The following CCDC102B variants were observed in gnomAD, a reference collection of about 807,000 sequenced individuals.
CCDC102B encodes coiled-coil domain containing 102B.
A neutral mutation model predicts 57.4 loss-of-function variants in CCDC102B; 75 were observed. The ratio of observed to expected loss-of-function variants is 1.31; its 90% CI spans 1.08 to 1.58. The LOEUF is 1.58. CCDC102B is among the 40% of genes most tolerant of loss of function. The probability of loss-of-function intolerance (pLI) is 0.00; values close to 1 mark genes in which losing one functional copy is unlikely to be tolerated. For missense variants in CCDC102B, 636 were observed against 582.6 expected (o/e 1.09, Z -0.94); for synonymous variants, 206 against 201.9 (o/e 1.02, Z -0.17).
intron 1 of CCDC102B, among the ~76,000 whole-genome samples, chr18:68,833,659 A>T (rs2037240914): frequency 6.6e-6 from 1 of 152,180 alleles, no homozygotes; most frequent in East Asian, 1.9e-4. Flanking sequence ...TTGGTCCAAG[A>T]TCATCGTCTA....
Position 68,966,078 on chromosome 18 carries a change from G to C in CCDC102B, c.1264-44856G>C, listed in dbSNP as rs1345307756. Among the ~76,000 whole-genome samples the C allele has an allele frequency of 2.6e-5, 4 of 152,250 alleles. No homozygotes were observed. In the South Asian group the frequency reaches 8.3e-4, roughly 32 times the overall value. On this transcript the variant is annotated intron_variant, in intron 6 of 7. Coordinates refer to ENST00000360242, the MANE Select transcript of CCDC102B (RefSeq NM_024781.3). ...TCACCATGTGGTCTCCACGAACACTGTGGTGTGGTTTTATACTGTTTGATA... is the reference window on the plus strand; with the variant it reads ...TCACCATGTGGTCTCCACGAACACTCTGGTGTGGTTTTATACTGTTTGATA...
At position 68,919,309 on chromosome 18, in the gene CCDC102B, G is replaced by T. The variant is rs190473977; in HGVS notation, c.1263+21881G>T. ...CTCAGAAGGGAAACAGTAGAAATGG[G>T]ATTTTGTTATATTGACCACATTTGT... is the stretch of plus-strand genomic sequence containing the variant. On this transcript the variant is annotated intron_variant, in intron 6 of 7. Transcript: ENST00000360242. Among the ~76,000 whole-genome samples, 4 of 152,148 alleles carry T rather than the reference G, an allele frequency of 2.6e-5. No individual in the cohort carries two copies. In the East Asian group the frequency reaches 7.7e-4, roughly 29 times the overall value.
At chr18:68,871,513 T>C (rs2039237489) in intron 4 of CCDC102B, among the ~76,000 whole-genome samples, 1 of 152,226 alleles carries the variant, frequency 6.6e-6, no homozygotes, top group Admixed American at 6.5e-5. Context: ...TTTTAAAATG[T>C]TCAAAGTAAT....
intron 1 of CCDC102B, among the ~76,000 whole-genome samples, chr18:68,828,697 C>G (rs866846426): frequency 2.4e-4 from 37 of 151,422 alleles, no homozygotes; most frequent in Middle Eastern, 3.4e-3. Flanking sequence ...AAAAACAATT[C>G]AAATATATTT....
At chr18:69,022,115 A>T (rs1366958408) in intron 7 of CCDC102B, among the ~76,000 whole-genome samples, 1 of 151,782 alleles carries the variant, frequency 6.6e-6, no homozygotes, top group East Asian at 1.9e-4. Flanking sequence ...ATATGGAAAG[A>T]CTTAGACCAT....
intron 1 of CCDC102B, among the ~76,000 whole-genome samples, chr18:68,813,495 G>C (rs1460914518): frequency 6.6e-6 from 1 of 151,760 alleles, no homozygotes; most frequent in Non-Finnish European, 1.5e-5. Context: ...GGGAAGGGGA[G>C]GCCAGGAAAG....
intron 3 of CCDC102B, among the ~76,000 whole-genome samples, chr18:68,840,649 TGG>T (rs1303411790): frequency 6.6e-6 from 1 of 152,204 alleles, no homozygotes; most frequent in African/African-American, 2.4e-5. Context: ...CTAATCTCCG[TGG>T]TTTTACTTCT....
intron 1 of CCDC102B, among the ~76,000 whole-genome samples, chr18:68,829,792 A>G (rs1369143738): frequency 6.6e-6 from 1 of 152,074 alleles, no homozygotes; most frequent in East Asian, 1.9e-4. Context: ...GAAAATGTAT[A>G]GGAAAATTGG....
chr18:69,000,162 A>G (rs1371426267), intron 6 of CCDC102B, among the ~76,000 whole-genome samples: 1 of 152,212 alleles, frequency 6.6e-6, no homozygotes, highest in Non-Finnish European at 1.5e-5. Context: ...TAACAATAAT[A>G]GTAATTAGCT....
intron 7 of CCDC102B, among the ~76,000 whole-genome samples, chr18:69,036,997 A>ATG (rs1457844346): frequency 5.5e-5 from 7 of 127,828 alleles, no homozygotes; most frequent in African/African-American, 1.3e-4. Flanking sequence ...TATGTTGTGT[A>ATG]TGTGTATATA....
intron 4 of CCDC102B, among the ~76,000 whole-genome samples, chr18:68,852,996 G>C (rs114194393): frequency 3.3e-5 from 5 of 152,038 alleles, no homozygotes; most frequent in South Asian, 4.2e-4. Flanking sequence ...TGCAATTTTC[G>C]TAAGATAATT....
At chr18:68,722,898 C>T (rs1455533509) in intron 2 of CCDC102B, among the ~76,000 whole-genome samples, 1 of 147,542 alleles carries the variant, frequency 6.8e-6, no homozygotes, top group African/African-American at 2.5e-5. Context: ...CTTTTTGCAA[C>T]CTTTTTTTTT....
At chr18:68,864,409 T>A (rs1042744598) in intron 4 of CCDC102B, among the ~76,000 whole-genome samples, 4 of 152,038 alleles carry the variant, frequency 2.6e-5, no homozygotes, top group African/African-American at 7.2e-5. Flanking sequence ...GATATTGGGA[T>A]CCTACTGCTG....
Position 68,957,847 on chromosome 18 carries a change from T to A in CCDC102B, c.1264-53087T>A, listed in dbSNP as rs1335098471. On this transcript the variant is annotated intron_variant, in intron 6 of 7. Coordinates refer to ENST00000360242, the MANE Select transcript of CCDC102B (RefSeq NM_024781.3). ...TCACTTCTTTGGTTAATTCCTAGACTTTTATTTTTATATATGACTGTTGTA... is the reference window on the plus strand; with the variant it reads ...TCACTTCTTTGGTTAATTCCTAGACATTTATTTTTATATATGACTGTTGTA... Among the ~76,000 whole-genome samples, 3 of 152,142 alleles carry A rather than the reference T, an allele frequency of 2.0e-5. 1 individual carries two copies. The highest frequency in any genetic ancestry group is 2.9e-5 in the Non-Finnish European group (2 of 68,026).
chr18:68,819,562 T>C (rs1027937073), intron 1 of CCDC102B, among the ~76,000 whole-genome samples: 1 of 152,046 alleles, frequency 6.6e-6, no homozygotes, highest in Non-Finnish European at 1.5e-5. Flanking sequence ...CTTTGACTTT[T>C]TCTATTTTCA....
At chr18:68,735,636 A>G (rs1425492767) in intron 2 of CCDC102B, among the ~76,000 whole-genome samples, 1 of 152,156 alleles carries the variant, frequency 6.6e-6, no homozygotes, top group African/African-American at 2.4e-5. Flanking sequence ...AAATCTGGCA[A>G]TGAAAACCCA....
At chr18:68,736,164 A>G (rs1263876246) in intron 2 of CCDC102B, among the ~76,000 whole-genome samples, 1 of 152,236 alleles carries the variant, frequency 6.6e-6, no homozygotes, top group Non-Finnish European at 1.5e-5. Context: ...AAATAAATAT[A>G]GGGAATAACA....
chr18:68,954,985 G>C (rs1337295252), intron 6 of CCDC102B, among the ~76,000 whole-genome samples: 2 of 152,118 alleles, frequency 1.3e-5, no homozygotes, highest in African/African-American at 2.4e-5. Context: ...GCTGATCTAT[G>C]GTTGTATCTT....
At chr18:68,810,689 T>TG (rs2036220937) in intron 1 of CCDC102B, among the ~76,000 whole-genome samples, 1 of 141,458 alleles carries the variant, frequency 7.1e-6, no homozygotes, top group Non-Finnish European at 1.5e-5. Flanking sequence ...TGTTTTTTTT[T>TG]TTTTTTTTTT....
Sources: allele counts gnomAD v4.1 joint callset (sites outside exome capture counted in the v4.1 genomes callset), GRCh38; gene constraint gnomAD v4.1.1; transcripts MANE v1.5; gene names NCBI Gene and HGNC (gene_info 2026-07-23, HGNC 2026-07-21).